The following SDK1 variants were observed in gnomAD, a reference collection of about 807,000 sequenced individuals.
SDK1 encodes the protein sidekick cell adhesion molecule 1.
SDK1 carries 157 observed loss-of-function variants against 245.5 expected under a neutral mutation model. The observed-to-expected ratio is 0.64, with a 90% CI of 0.56 to 0.73. SDK1 has a LOEUF of 0.73. Ranked by LOEUF, SDK1 falls within the 30% of genes least tolerant of loss-of-function variation. SDK1 has a pLI of 0.00. For synonymous variants in SDK1, 1,647 were observed against 1,278.5 expected (o/e 1.29, Z -6.15); for missense variants, 3,583 against 3,002.3 (o/e 1.19, Z -4.52).
At chr7:4,079,721 G>C (rs556840042) in intron 22 of SDK1, 137 bp downstream of exon 22, 235 of 1,247,180 alleles carry the variant, frequency 1.9e-4, no homozygotes, top group Non-Finnish European at 2.6e-4. Context: ...CCAGGGGCTG[G>C]AGATAGCCCA....
chr7:3,375,847 C>T (rs1781343317), intron 1 of SDK1, among the ~76,000 whole-genome samples: 1 of 152,320 alleles, frequency 6.6e-6, no homozygotes, highest in South Asian at 2.1e-4. Flanking sequence ...AACTAAGCTG[C>T]TCCTGAATTT....
At position 3,474,091 on chromosome 7, in the gene SDK1, G is replaced by GTTTTTTTT. The variant is rs869083123; in HGVS notation, c.299-144965_299-144958dup. Among the ~76,000 whole-genome samples the GTTTTTTTT allele has an allele frequency of 2.9e-3, 127 of 43,238 alleles. 25 individuals are homozygous for GTTTTTTTT. The highest frequency in any genetic ancestry group is 0.01 in the African/African-American group (104 of 9,916). 28.4% of individuals were successfully genotyped at this position (43,238 alleles called of 152,430 possible). On this transcript the variant is annotated intron_variant, in intron 1 of 44. Coordinates refer to ENST00000404826, the MANE Select transcript of SDK1 (RefSeq NM_152744.4). ...CAACTTGACATCTCTACCAGATGGTGTTTTTTTTTTTTTTTTTTTTTTTTT... is the reference window on the plus strand; with the variant it reads ...CAACTTGACATCTCTACCAGATGGTGTTTTTTTTTTTTTTTTTTTTTTTTTTTTTTTTT...
At chr7:4,143,727 T>C (rs1162652587) in intron 28 of SDK1, among the ~76,000 whole-genome samples, 1 of 152,250 alleles carries the variant, frequency 6.6e-6, no homozygotes, top group East Asian at 1.9e-4. Context: ...TGCTCACAGA[T>C]CGGCATGGGT....
intron 2 of SDK1, among the ~76,000 whole-genome samples, chr7:3,635,954 A>G (rs1782445216): frequency 6.6e-6 from 1 of 152,120 alleles, no homozygotes; most frequent in South Asian, 2.1e-4. Context: ...ACACCTTCCC[A>G]TATGTGAAAA....
At chr7:3,929,595 T>G (rs540198687) in intron 5 of SDK1, among the ~76,000 whole-genome samples, 1 of 152,324 alleles carries the variant, frequency 6.6e-6, no homozygotes, top group South Asian at 2.1e-4. Context: ...CTAAACTCCT[T>G]TGAACAAAAT....
At chr7:3,805,789 A>G (rs1779226090) in intron 4 of SDK1, among the ~76,000 whole-genome samples, 1 of 152,218 alleles carries the variant, frequency 6.6e-6, no homozygotes, top group Non-Finnish European at 1.5e-5. Context: ...TATCCAAAAA[A>G]GAAATATTGT....
intron 4 of SDK1, among the ~76,000 whole-genome samples, chr7:3,720,876 A>G (rs1288207923): frequency 6.6e-6 from 1 of 152,268 alleles, no homozygotes; most frequent in Non-Finnish European, 1.5e-5. Context: ...TATTTAAAAC[A>G]CAGTGTAGTA....
intron 4 of SDK1, among the ~76,000 whole-genome samples, chr7:3,776,249 A>G (rs897514719): frequency 4.6e-5 from 7 of 152,214 alleles, no homozygotes; most frequent in East Asian, 1.9e-4. Context: ...GACATTGTCA[A>G]TTTGGTGTGC....
intron 4 of SDK1, among the ~76,000 whole-genome samples, chr7:3,739,635 A>G (rs371374453): frequency 1.4e-4 from 22 of 152,262 alleles, no homozygotes; most frequent in African/African-American, 5.3e-4. Context: ...AATAATTTTC[A>G]TCTTTTAATA....
At chr7:4,025,077 A>G (rs1787232630) in intron 17 of SDK1, among the ~76,000 whole-genome samples, 1 of 150,566 alleles carries the variant, frequency 6.6e-6, no homozygotes, top group Admixed American at 6.6e-5. Context: ...AACAATAGTG[A>G]CTCTCCCAGT....
rs1002046908 is a variant in SDK1, at chr7:3,727,750, C to G, written c.713+85645C>G. On this transcript the variant is annotated intron_variant, in intron 4 of 44. Transcript: ENST00000404826. ...GGGTGATCCACCCGCCTCAGCCTCCCAAAGTGCTGGGATTGCAGACATGAG... is the reference window on the plus strand; with the variant it reads ...GGGTGATCCACCCGCCTCAGCCTCCGAAAGTGCTGGGATTGCAGACATGAG... 2.0e-5 allele frequency among the ~76,000 whole-genome samples: 3 copies of G among 152,270 alleles called. No individual in the cohort carries two copies. The East Asian group carries it at 5.8e-4, about 29-fold the overall frequency.
intron 1 of SDK1, among the ~76,000 whole-genome samples, chr7:3,363,461 T>G (rs1781006859): frequency 6.6e-6 from 1 of 152,196 alleles, no homozygotes; most frequent in South Asian, 2.1e-4. Flanking sequence ...ATCCATTTTT[T>G]TCTGTGATAA....
At chr7:3,303,191 C>CT (rs1370810577) in intron 1 of SDK1, among the ~76,000 whole-genome samples, 1 of 152,110 alleles carries the variant, frequency 6.6e-6, no homozygotes, top group Non-Finnish European at 1.5e-5. Flanking sequence ...GTGCTTTTTG[C>CT]TTAATGACTT....
chr7:3,581,411 G>A (rs1780483623), intron 1 of SDK1, among the ~76,000 whole-genome samples: 1 of 152,140 alleles, frequency 6.6e-6, no homozygotes, highest in Non-Finnish European at 1.5e-5. Context: ...CAATATCACT[G>A]ATCACTAGGG....
chr7:3,695,651 C>T (rs1455078576), intron 4 of SDK1, among the ~76,000 whole-genome samples: 6 of 152,158 alleles, frequency 3.9e-5, no homozygotes, highest in African/African-American at 1.4e-4. Flanking sequence ...TGGAGAATTA[C>T]ATTGTTAGTG....
intron 1 of SDK1, among the ~76,000 whole-genome samples, chr7:3,564,242 C>T (rs964825457): frequency 6.6e-6 from 1 of 151,702 alleles, no homozygotes; most frequent in South Asian, 2.1e-4. Context: ...ATAATAACAC[C>T]TGACATGATA....
chr7:3,997,477 C>A (rs1784766635), intron 14 of SDK1, among the ~76,000 whole-genome samples: 1 of 152,064 alleles, frequency 6.6e-6, no homozygotes, highest in African/African-American at 2.4e-5. Flanking sequence ...AGAGAGAAGG[C>A]CCTGGAGAGG....
intron 13 of SDK1, among the ~76,000 whole-genome samples, chr7:3,986,142 T>C (rs896926622): frequency 2.8e-4 from 42 of 152,220 alleles, no homozygotes; most frequent in African/African-American, 9.1e-4. Context: ...TCAGCCTTGG[T>C]AGAAACCATG....
chr7:3,386,077 C>T (rs1781603204), intron 1 of SDK1, among the ~76,000 whole-genome samples: 1 of 151,858 alleles, frequency 6.6e-6, no homozygotes, highest in East Asian at 1.9e-4. Flanking sequence ...TTTCTCTTGA[C>T]AGGATTGAGT....
Sources: allele counts gnomAD v4.1 joint callset (sites outside exome capture counted in the v4.1 genomes callset), GRCh38; gene constraint gnomAD v4.1.1; transcripts MANE v1.5; gene names NCBI Gene and HGNC (gene_info 2026-07-23, HGNC 2026-07-21).